TRAPPC9: variants seen among roughly 807,000 people sequenced by gnomAD.
The protein encoded by TRAPPC9 is trafficking protein particle complex subunit 9.
TRAPPC9 carries 83 observed loss-of-function variants against 124.0 expected under a neutral mutation model. The ratio of observed to expected loss-of-function variants is 0.67; its 90% CI spans 0.56 to 0.80. TRAPPC9 has a LOEUF of 0.80. TRAPPC9 is among the 30% of genes least tolerant of loss of function. TRAPPC9 has a pLI of 0.00. For missense variants in TRAPPC9, 1,302 were observed against 1,508.3 expected (o/e 0.86, Z 2.27); for synonymous variants, 638 against 617.5 (o/e 1.03, Z -0.49).
At chr8:140,364,156 C>T (rs1157646277) in intron 8 of TRAPPC9, among the ~76,000 whole-genome samples, 1 of 151,822 alleles carries the variant, frequency 6.6e-6, no homozygotes, top group Non-Finnish European at 1.5e-5. Context: ...CAGACTGATG[C>T]AGTCTTAAAT....
chr8:140,074,297 G>A (rs748943128), intron 17 of TRAPPC9, among the ~76,000 whole-genome samples: 9 of 152,214 alleles, frequency 5.9e-5, no homozygotes, highest in South Asian at 2.1e-4. Flanking sequence ...AGCATCCCCC[G>A]AACTACCCAG....
chr8:140,389,042 C>T (rs773365916), intron 7 of TRAPPC9, among the ~76,000 whole-genome samples: 100 of 149,516 alleles, frequency 6.7e-4, no homozygotes, highest in Non-Finnish European at 1.2e-3. Context: ...ACTGCAACCT[C>T]CGCCTCCCAG....
intron 18 of TRAPPC9, among the ~76,000 whole-genome samples, chr8:140,013,224 G>A (rs1330094490): frequency 2.0e-5 from 3 of 152,100 alleles, no homozygotes; most frequent in Non-Finnish European, 4.4e-5. Context: ...CAGCAGCTGG[G>A]TTCCACTCGG....
chr8:140,244,830 C>CA (rs2063941986), intron 16 of TRAPPC9, among the ~76,000 whole-genome samples: 2 of 102,122 alleles, frequency 2.0e-5, no homozygotes, highest in South Asian at 6.7e-4. Context: ...TTTTTTGAGA[C>CA]AGAGTTTCGC....
At chr8:140,427,370 ATCTC>A (rs921715039) in intron 4 of TRAPPC9, among the ~76,000 whole-genome samples, 1 of 144,982 alleles carries the variant, frequency 6.9e-6, no homozygotes, top group Non-Finnish European at 1.5e-5. Context: ...CTATATATAT[ATCTC>A]TCTCTCACAC....
At chr8:140,385,852 G>C (rs186747461) in intron 7 of TRAPPC9, among the ~76,000 whole-genome samples, 248 of 152,302 alleles carry the variant, frequency 1.6e-3, no homozygotes, top group Middle Eastern at 6.8e-3. Flanking sequence ...TAGCCTGGCA[G>C]AGACACAACA....
intron 17 of TRAPPC9, chr8:140,100,422 TCTA>T (rs1445914899): frequency 6.6e-6 from 1 of 152,162 alleles, no homozygotes; most frequent in Admixed American, 6.5e-5. Flanking sequence ...ACCCAGGTCT[TCTA>T]CTGCTGTATG....
intron 19 of TRAPPC9, among the ~76,000 whole-genome samples, chr8:139,965,459 C>A (rs367742999): frequency 9.9e-5 from 15 of 152,144 alleles, no homozygotes; most frequent in African/African-American, 3.6e-4. Context: ...CAGGGGAGTC[C>A]ATCAGAGCTG....
intron 17 of TRAPPC9, among the ~76,000 whole-genome samples, chr8:140,129,162 T>A (rs2061154675): frequency 6.6e-6 from 1 of 152,068 alleles, no homozygotes; most frequent in Admixed American, 6.5e-5. Flanking sequence ...TCTGTTTCTT[T>A]AACAACAGAT....
At chr8:140,162,279 T>G (rs896491463) in intron 17 of TRAPPC9, among the ~76,000 whole-genome samples, 3 of 152,160 alleles carry the variant, frequency 2.0e-5, no homozygotes, top group African/African-American at 7.2e-5. Flanking sequence ...CTCAGCCTCA[T>G]GCCTAGGCTC....
At position 139,833,532 on chromosome 8, in the gene TRAPPC9, G is replaced by C. The variant is rs191568726; in HGVS notation, c.3055+52347C>G. On this transcript the variant is annotated intron_variant, in intron 21 of 22. Transcript: ENST00000438773. ...ACCTGGCTGACTTCAGAGGTTGGCA[G>C]GGCAAATGCCCCGCAGATTAAAGAA... is the stretch of plus-strand genomic sequence containing the variant. Among the ~76,000 whole-genome samples the C allele has an allele frequency of 4.1e-3, 621 of 152,332 alleles. 9 individuals are homozygous for C. Among genetic ancestry groups the C allele is most frequent in the African/African-American group, 0.015 (611 of 41,586 alleles).
intron 9 of TRAPPC9, among the ~76,000 whole-genome samples, chr8:140,328,380 T>C (rs1264757969): frequency 6.6e-6 from 1 of 152,186 alleles, no homozygotes; most frequent in Non-Finnish European, 1.5e-5. Flanking sequence ...TGATCAATCG[T>C]TGAGGCATGG....
intron 19 of TRAPPC9, among the ~76,000 whole-genome samples, chr8:139,983,741 G>C (rs1259659424): frequency 6.6e-6 from 1 of 152,108 alleles, no homozygotes; most frequent in African/African-American, 2.4e-5. Context: ...GCAGAAAGTG[G>C]GAAATAAACA....
chr8:140,379,484 C>T (rs2068542540), intron 7 of TRAPPC9, among the ~76,000 whole-genome samples: 1 of 152,194 alleles, frequency 6.6e-6, no homozygotes. Flanking sequence ...TGCCATCTGG[C>T]TCACATTACA....
At chr8:140,289,383 C>T (rs2065585331) in intron 12 of TRAPPC9, among the ~76,000 whole-genome samples, 3 of 151,998 alleles carry the variant, frequency 2.0e-5, no homozygotes, top group East Asian at 1.9e-4. Context: ...GGGTGGAAGC[C>T]GAGGAGCCAA....
At chr8:139,784,371 C>T (rs1224277136) in intron 21 of TRAPPC9, among the ~76,000 whole-genome samples, 1 of 151,958 alleles carries the variant, frequency 6.6e-6, no homozygotes, top group East Asian at 1.9e-4. Context: ...GTCAGGAGTT[C>T]GAGACCAGCC....
intron 21 of TRAPPC9, among the ~76,000 whole-genome samples, chr8:139,817,565 G>C (rs1824935686): frequency 6.6e-6 from 1 of 152,232 alleles, no homozygotes; most frequent in Admixed American, 6.5e-5. Context: ...CACAGGCCTG[G>C]CTTCTCGTTC....
chr8:140,310,664 G>A (rs751444201), intron 10 of TRAPPC9, among the ~76,000 whole-genome samples: 2 of 152,168 alleles, frequency 1.3e-5, no homozygotes, highest in African/African-American at 4.8e-5. Flanking sequence ...GGAGAGCAGT[G>A]AGCAATGGGT....
chr8:140,092,114 T>C (rs1440622563), intron 17 of TRAPPC9, among the ~76,000 whole-genome samples: 1 of 151,454 alleles, frequency 6.6e-6, no homozygotes, highest in Non-Finnish European at 1.5e-5. Flanking sequence ...TACCAAAATA[T>C]TGATGGAAGC....
Sources: gnomAD v4.1 joint callset for allele counts (sites outside exome capture counted in the v4.1 genomes callset) on GRCh38, gnomAD v4.1.1 for gene constraint, MANE v1.5 for transcripts, NCBI Gene and HGNC (gene_info 2026-07-23, HGNC 2026-07-21) for gene names.